The following CCDC144A variants were observed in gnomAD, a reference collection of about 807,000 sequenced individuals.
CCDC144A encodes the protein coiled-coil domain containing 144A.
Under a neutral mutation model 143.8 loss-of-function variants are expected in CCDC144A, and 41 were observed. The observed-to-expected ratio is 0.29, with a 90% CI of 0.22 to 0.37. CCDC144A has a LOEUF of 0.37. Ranked by LOEUF, CCDC144A falls within the 10% of genes least tolerant of loss-of-function variation. CCDC144A has a pLI of 1.00. For synonymous variants in CCDC144A, 242 were observed against 517.9 expected, an observed-to-expected ratio of 0.47 and a Z score of 7.23; for missense variants, 637 against 1,488.8, an observed-to-expected ratio of 0.43 and a Z score of 9.41.
chr17:16,753,433 T>TTGTTGTTGTTGTTG lies in CCDC144A; in HGVS notation c.3373-7991_3373-7990insGTTGTTGTTGTTGT, dbSNP rs1347148068. On this transcript the variant is annotated intron_variant, in intron 12 of 16. Coordinates refer to ENST00000399273, the MANE Select transcript of CCDC144A (RefSeq NM_001382000.1). ...TCTTTTGTCAGTGTTTTGTAGTTTT[T>TTGTTGTTGTTGTTG]TTTTTTTTTTTTTTTTTTTTTTTGT... 4.5e-4 allele frequency among the ~76,000 whole-genome samples: 54 copies of TTGTTGTTGTTGTTG among 121,140 alleles called. 1 individual carries two copies. Among genetic ancestry groups the TTGTTGTTGTTGTTG allele is most frequent in the South Asian group, 1.4e-3 (5 of 3,636 alleles). The allele number at this position is 121,140 out of a possible 152,430, so 79.5% of individuals were successfully genotyped here. A position where few individuals can be genotyped will look rare whatever the true frequency, so the allele number is the denominator to read the frequency against.
intron 12 of CCDC144A, among the ~76,000 whole-genome samples, chr17:16,750,136 G>A (rs1214988709): frequency 6.6e-6 from 1 of 152,184 alleles, no homozygotes; most frequent in African/African-American, 2.4e-5. Context: ...CTGCCATGAT[G>A]TTTTTAGCTG....
chr17:16,686,345 C>G (rs1352785941), upstream of CCDC144A, among the ~76,000 whole-genome samples: 1 of 152,092 alleles, frequency 6.6e-6, no homozygotes. Flanking sequence ...TGGCCAAACT[C>G]TCCATTTTTG....
chr17:16,681,596 G>A, the CCDC144A span, among the ~76,000 whole-genome samples: 8 of 152,066 alleles, frequency 5.3e-5, no homozygotes, highest in Admixed American at 1.3e-4. Flanking sequence ...GGTGGCTCAC[G>A]CCTGTAATCC....
rs201730519 is a variant in CCDC144A at position 16,690,547 on chromosome 17, C to G, written c.147C>G (p.Phe49Leu). 1,023 of 1,613,814 alleles carry G rather than the reference C, an allele frequency of 6.3e-4. 14 individuals carry two copies. In the African/African-American group the frequency reaches 0.012, roughly 19 times the overall value. ...CGGGGGACCAGTGGTCCTCGGGCTT[C>G]CCCTACAGCTGGTGGAAAAACAGCG... ...GYPGDQWSSG[F>L]PYSWWKNSVG... Residue 49 changes from phenylalanine (F) to leucine (L), a missense_variant, in exon 1 of 17, where the codon TTC becomes TTG. Coordinates refer to ENST00000399273, the MANE Select transcript of CCDC144A (RefSeq NM_001382000.1).
chr17:16,751,613 G>A (rs1914795611), intron 12 of CCDC144A, among the ~76,000 whole-genome samples: 2 of 152,216 alleles, frequency 1.3e-5, no homozygotes, highest in Admixed American at 1.3e-4. Flanking sequence ...CCACCCTTAG[G>A]GCAGCGGCCC....
rs1682260 is a variant in CCDC144A at position 16,776,488 on chromosome 17, G to T, written c.*2855G>T. 9 of 152,112 alleles carry T rather than the reference G, an allele frequency of 5.9e-5. No homozygotes were observed. The highest frequency in any genetic ancestry group is 1.9e-4 in the East Asian group (1 of 5,188). The allele number at this position is 152,112 out of a possible 1,614,324, so 9.4% of individuals were successfully genotyped here. On this transcript the variant is annotated 3_prime_UTR_variant, in exon 17 of 17. Coordinates refer to ENST00000399273, the MANE Select transcript of CCDC144A (RefSeq NM_001382000.1). ...ATTGTGAATGGGAGTTAATTCATGAGTTTTCTCTCGGCTTGCCTGTTGTTG... is the reference window on the plus strand; with the variant it reads ...ATTGTGAATGGGAGTTAATTCATGATTTTTCTCTCGGCTTGCCTGTTGTTG...
rs1195816990 is a variant in CCDC144A at position 16,717,103 on chromosome 17, C to CTT, written c.1716-3080_1716-3079dup. Among the ~76,000 whole-genome samples the CTT allele has an allele frequency of 6.8e-3, 864 of 126,502 alleles. 15 individuals carry two copies. Among genetic ancestry groups the CTT allele is most frequent in the East Asian group, 0.068 (289 of 4,272 alleles). 83.0% of individuals were successfully genotyped at this position (126,502 alleles called of 152,430 possible). A position where few individuals can be genotyped will look rare whatever the true frequency, so the allele number is the denominator to read the frequency against. ...GGCGTGAGCCACCGCGCTCGGCCAGCTTTTTTTTTTTTTTTTCTTTTCTTT... is the reference window on the plus strand; with the variant it reads ...GGCGTGAGCCACCGCGCTCGGCCAGCTTTTTTTTTTTTTTTTTTCTTTTCTTT... On this transcript the variant is annotated intron_variant, in intron 6 of 16. Coordinates refer to ENST00000399273, the MANE Select transcript of CCDC144A (RefSeq NM_001382000.1).
intron 12 of CCDC144A, among the ~76,000 whole-genome samples, chr17:16,743,871 C>A (rs921397701): frequency 3.9e-5 from 6 of 152,226 alleles, no homozygotes; most frequent in Non-Finnish European, 5.9e-5. Context: ...CTGTCTATTG[C>A]TCCCATCTTT....
chr17:16,679,903 C>G, the CCDC144A span, among the ~76,000 whole-genome samples: 1 of 151,860 alleles, frequency 6.6e-6, no homozygotes, highest in South Asian at 2.1e-4. Flanking sequence ...AACCAAATTT[C>G]TTTTCAAAGT....
chr17:16,720,147 G>A, intron 6 of CCDC144A, 51 bp from the exon 7 acceptor site: 1 of 1,473,144 alleles, frequency 6.8e-7, no homozygotes, highest in Non-Finnish European at 9.0e-7. Context: ...GATATTCTTT[G>A]TATTTTACAT....
At position 16,690,484 on chromosome 17, in the gene CCDC144A, C is replaced by A; in HGVS notation, c.84C>A (p.Ser28Arg). ...TCTACGCCACGAGGAAGACCCCTAGCGTCGGGAGCCAGGGGGACCAGTGGT... is the reference window on the plus strand; with the variant it reads ...TCTACGCCACGAGGAAGACCCCTAGAGTCGGGAGCCAGGGGGACCAGTGGT... The part of the protein sequence containing the change: ...PAVYATRKTP[S>R]VGSQGDQWYL... Residue 28 changes from serine (S) to arginine (R), a missense_variant, in exon 1 of 17, where the codon AGC (serine) becomes AGA (arginine). Physicochemically the swap from Ser to Arg is moderately radical, Grantham distance 110. Transcript: ENST00000399273. The A allele has an allele frequency of 6.2e-7, 1 of 1,613,246 alleles. No homozygotes were observed. The highest frequency in any genetic ancestry group is 8.5e-7 in the Non-Finnish European group (1 of 1,179,666).
intron 11 of CCDC144A, among the ~76,000 whole-genome samples, chr17:16,733,520 G>T: frequency 7.0e-6 from 1 of 143,498 alleles, no homozygotes; most frequent in East Asian, 2.0e-4. Context: ...AAAAAAAAAA[G>T]AAAAGAAAAA....
the CCDC144A span, among the ~76,000 whole-genome samples, chr17:16,668,321 T>C: frequency 5.9e-5 from 9 of 152,224 alleles, no homozygotes; most frequent in African/African-American, 1.9e-4. Context: ...TAATTAAATA[T>C]ACTTTAGTCA....
chr17:16,687,153 CT>C (rs1910812018), upstream of CCDC144A, among the ~76,000 whole-genome samples: 1 of 152,174 alleles, frequency 6.6e-6, no homozygotes, highest in Admixed American at 6.5e-5. Flanking sequence ...TTCTTTCCAT[CT>C]TCCCTCAGTC....
chr17:16,678,463 A>G, the CCDC144A span, among the ~76,000 whole-genome samples: 1 of 152,026 alleles, frequency 6.6e-6, no homozygotes, highest in Non-Finnish European at 1.5e-5. Flanking sequence ...CAAGTCCCTG[A>G]GTTGTTTTTC....
chr17:16,667,706 G>A, the CCDC144A span, among the ~76,000 whole-genome samples: 1 of 151,856 alleles, frequency 6.6e-6, no homozygotes, highest in East Asian at 1.9e-4. Context: ...ATATAACTGA[G>A]GATGAACTGT....
intron 12 of CCDC144A, chr17:16,746,426 G>C: frequency 6.3e-7 from 1 of 1,594,156 alleles, no homozygotes. Flanking sequence ...AAGAGGTGTG[G>C]TTCTTCTAGC....
chr17:16,759,251 A>G (rs1164747391), intron 12 of CCDC144A, among the ~76,000 whole-genome samples: 4 of 152,258 alleles, frequency 2.6e-5, no homozygotes, highest in Non-Finnish European at 5.9e-5. Flanking sequence ...ATCAGAAGTT[A>G]TGGGTGGGTT....
intron 3 of CCDC144A, chr17:16,706,737 T>C (rs1351098089): frequency 4.0e-5 from 6 of 151,880 alleles, no homozygotes; most frequent in Non-Finnish European, 8.8e-5. Context: ...TAATGACTCT[T>C]TGTACAAAGA....
Sources: allele counts gnomAD v4.1 joint callset (sites outside exome capture counted in the v4.1 genomes callset), GRCh38; gene constraint gnomAD v4.1.1; transcripts MANE v1.5; gene names NCBI Gene and HGNC (gene_info 2026-07-23, HGNC 2026-07-21).